MUC6: variants seen among roughly 807,000 people sequenced by gnomAD.
MUC6 encodes the protein mucin-6.
A neutral mutation model predicts 201.5 loss-of-function variants in MUC6; 188 were observed. That is an observed-to-expected ratio of 0.93 (90% confidence interval 0.83 to 1.05). The LOEUF (loss-of-function observed/expected upper bound fraction) is 1.05, where lower values mean the gene tolerates loss of function less well. Ranked by LOEUF, MUC6 falls within the 50% of genes least tolerant of loss-of-function variation. The pLI is 0.00. For synonymous variants in MUC6, 1,228 were observed against 1,389.4 expected (o/e 0.88, Z 2.58); for missense variants, 2,706 against 3,256.9 (o/e 0.83, Z 4.12).
At chr11:1,013,673 C>T in intron 32 of MUC6, 40 bp from the exon 33 acceptor site, 2 of 1,536,518 alleles carry the variant, frequency 1.3e-6, no homozygotes, top group Non-Finnish European at 1.8e-6. Flanking sequence ...ATGACTGCTG[C>T]AGGGGCATAA....
chr11:1,013,965 G>A lies in MUC6; in HGVS notation c.7076C>T (p.Thr2359Met), dbSNP rs369942422. Reference protein sequence around the residue: ...CSVREQQEEITFKGCMANVTV... With the variant: ...CSVREQQEEIMFKGCMANVTV... ...CACGTTCGCCATGCACCCCTTGAAC[G>A]TGATCTCCTCCTGCTGCTCCCGCAC... The change falls in exon 32 of 33, where the codon ACG (threonine) becomes ATG (methionine). Residue 2359 changes from threonine to methionine, a missense_variant. Thr to Met is a moderately conservative substitution (Grantham distance 81). This residue lies in a region of MUC6 where 586 missense variants were observed against 488.0 expected (regional missense o/e 1.20). Transcript: ENST00000421673. 1.2e-6 allele frequency: 2 copies of A among 1,609,156 alleles called. No homozygotes were observed. Among genetic ancestry groups the A allele is most frequent in the South Asian group, 2.2e-5 (2 of 90,232 alleles).
In MUC6 at chr11:1,013,205, G is replaced by T. The variant is rs947759361; in HGVS notation, c.*251C>A. 3 of 545,364 alleles carry T rather than the reference G, an allele frequency of 5.5e-6. No homozygotes were observed. In the East Asian group the frequency reaches 9.6e-5, roughly 17 times the overall value. 33.8% of individuals were successfully genotyped at this position (545,364 alleles called of 1,614,324 possible). A position where few individuals can be genotyped will look rare whatever the true frequency, so the allele number is the denominator to read the frequency against. ...GGTCGGGAGTGCCCTGTGTGCCTGG[G>T]AGGTCCGTGACCACTGTCCGCCTCA... On this transcript the variant is annotated 3_prime_UTR_variant, in exon 33 of 33. Coordinates refer to ENST00000421673, the MANE Select transcript of MUC6 (RefSeq NM_005961.3).
rs772152228 is a variant in MUC6 at position 1,033,130 on chromosome 11, G to A, written c.53-55C>T. 28 of 1,541,726 alleles carry A rather than the reference G, an allele frequency of 1.8e-5. No individual in the cohort carries two copies. Among genetic ancestry groups the A allele is most frequent in the African/African-American group, 1.4e-4 (10 of 73,224 alleles). On this transcript the variant is annotated intron_variant, in intron 1 of 32. Transcript: ENST00000421673. This position sits in a 1 kb window ranked among gnomAD's most constrained non-coding sequence, Gnocchi z 5.6. ...GGGCTACCCCGTCGTCCCTGAGGGC[G>A]CCGCTCACCTCTGCTCAGGGCTGCT...
At position 1,030,643 on chromosome 11, in the gene MUC6, C is replaced by T; in HGVS notation, c.822G>A (p.Leu274=). Residue 274 remains leucine (L), a synonymous_variant, in exon 7 of 33, where the codon CTG becomes CTA. Coordinates refer to ENST00000421673, the MANE Select transcript of MUC6 (RefSeq NM_005961.3). ...TGCTGCACTGGCGGGAGTACTCCGA[C>T]AGGGTGGCACAACTGCTGTTCTGTG... ...PGPQNSSCAT[L]SEYSRQCSMV... is the part of the protein sequence containing the mutation. The T allele has an allele frequency of 6.5e-7, 1 of 1,544,886 alleles. No homozygotes were observed. The highest frequency in any genetic ancestry group is 1.2e-5 in the South Asian group (1 of 83,726).
intron 22 of MUC6, 24 bp from the exon 23 acceptor site, chr11:1,025,391 A>G: frequency 6.3e-7 from 1 of 1,597,476 alleles, no homozygotes; most frequent in Non-Finnish European, 8.5e-7. Context: ...TTGGCATAGG[A>G]CTGCCTGTCT....
At position 1,033,483 on chromosome 11, in the gene MUC6, G is replaced by A. The variant is rs1019123620; in HGVS notation, c.53-408C>T. ...CTGTGCCCGCCTCCCCAGCTTGGCC[G>A]CCTGGTTTCCCTGAGGGGTCTGCGC... On this transcript the variant is annotated intron_variant, in intron 1 of 32. Transcript: ENST00000421673. This position sits in a 1 kb window ranked among gnomAD's most constrained non-coding sequence, Gnocchi z 5.6. 2.7e-4 allele frequency among the ~76,000 whole-genome samples: 41 copies of A among 149,538 alleles called. 1 individual carries two copies. In the South Asian group the frequency reaches 5.2e-3, roughly 19 times the overall value.
intron 1 of MUC6, among the ~76,000 whole-genome samples, chr11:1,035,018 C>T (rs948526383): frequency 1.3e-5 from 2 of 152,244 alleles, no homozygotes; most frequent in Non-Finnish European, 2.9e-5. Context: ...GTTGGTCCGC[C>T]ACCCCCGGCC....
intron 19 of MUC6, 136 bp downstream of exon 19, chr11:1,026,805 C>T (rs1007033255): frequency 1.6e-5 from 16 of 974,174 alleles, no homozygotes; most frequent in East Asian, 5.3e-5. Context: ...GCCACAGGGC[C>T]GCTTCCACCT....
At chr11:1,020,806 G>T in intron 27 of MUC6, 72 bp from the exon 28 acceptor site, 1 of 1,559,768 alleles carries the variant, frequency 6.4e-7, no homozygotes, top group Non-Finnish European at 8.7e-7. Flanking sequence ...TGGGAGCTCC[G>T]AGGGCCTGAG....
intron 16 of MUC6, 61 bp from the exon 17 acceptor site, chr11:1,027,578 T>A: frequency 1.2e-6 from 2 of 1,600,936 alleles, no homozygotes; most frequent in South Asian, 2.2e-5. Flanking sequence ...CAATCTCGGG[T>A]TCCCCTGCCT....
rs376304555 is a variant in MUC6, at chr11:1,013,991, A to T, written c.7050T>A (p.Ser2350Arg). The T allele has an allele frequency of 3.1e-6, 5 of 1,607,556 alleles. No individual in the cohort carries two copies. In the Admixed American group the frequency reaches 8.4e-5, roughly 27 times the overall value. The change falls in exon 32 of 33, where the codon AGT becomes AGA. Residue 2350 changes from serine (S) to arginine (R), a missense_variant. Physicochemically the swap from Ser to Arg is moderately radical, Grantham distance 110. Transcript: ENST00000421673. The stretch of plus-strand genomic sequence containing the variant: ...TGATCTCCTCCTGCTGCTCCCGCAC[A>T]CTGCAGACCCCTGGTAGCCGAGTGG... ...TPTPTSPGVC[S>R]VREQQEEITF...
In MUC6 at chr11:1,028,055, C is replaced by CA; in HGVS notation, c.1757dup (p.Cys587ValfsTer81). On this transcript the variant is annotated frameshift_variant, in exon 15 of 33. Transcript: ENST00000421673. LOFTEE classifies it high-confidence loss of function. ...GCATGGAGCAGTGGGTCTCTGCACA[C>CA]ACCTCTGGGGATGACAGGCCCGGGC... is the stretch of plus-strand genomic sequence containing the variant. The CA allele has an allele frequency of 6.4e-7, 1 of 1,573,080 alleles. No homozygotes were observed. The highest frequency in any genetic ancestry group is 8.6e-7 in the Non-Finnish European group (1 of 1,159,708).
intron 32 of MUC6, 114 bp downstream of exon 32, chr11:1,013,785 G>A (rs1381315233): frequency 7.2e-7 from 1 of 1,389,744 alleles, no homozygotes; most frequent in East Asian, 2.5e-5. Context: ...ATGGAGCGCA[G>A]AGTGGCTCAC....
At chr11:1,034,448 C>T (rs547493071) in intron 1 of MUC6, among the ~76,000 whole-genome samples, 110 of 152,338 alleles carry the variant, frequency 7.2e-4, no homozygotes, top group African/African-American at 1.1e-3. Context: ...CTCAGCCCCC[C>T]GCCATTCCTT....
chr11:1,028,582 C>T (rs1278500550), intron 13 of MUC6, 64 bp downstream of exon 13: 6 of 1,575,384 alleles, frequency 3.8e-6, no homozygotes, highest in African/African-American at 1.3e-5. Context: ...TTTCTCCTCC[C>T]CTGGTCATGG....
chr11:1,014,070 C>G, intron 31 of MUC6, 69 bp from the exon 32 acceptor site: 2 of 1,374,856 alleles, frequency 1.5e-6, no homozygotes, highest in Non-Finnish European at 1.0e-6. Flanking sequence ...GAAACCCTGG[C>G]TAGAGACCGG....
chr11:1,023,085 T>C (rs959177374), intron 26 of MUC6, among the ~76,000 whole-genome samples: 1 of 149,876 alleles, frequency 6.7e-6, no homozygotes, highest in Non-Finnish European at 1.5e-5. Context: ...TGAATGAGTG[T>C]GTGTGGGTGA....
intron 2 of MUC6, 24 bp from the exon 3 acceptor site, chr11:1,032,077 C>T (rs773815289): frequency 1.9e-6 from 3 of 1,610,040 alleles, no homozygotes; most frequent in Admixed American, 1.7e-5. Context: ...AGTGCTCACA[C>T]AGCCCTGTGT....
Position 1,013,321 on chromosome 11 carries a change from C to T in MUC6, c.*135G>A, listed in dbSNP as rs766079447. ...CTCCAACCGGTGCCCCAGGGAGCCA[C>T]GGCCCAGGGCACTTGGGGGCCAGGC... On this transcript the variant is annotated 3_prime_UTR_variant, in exon 33 of 33. Transcript: ENST00000421673. 89 of 947,140 alleles carry T rather than the reference C, an allele frequency of 9.4e-5. No individual in the cohort carries two copies. The highest frequency in any genetic ancestry group is 2.0e-4 in the African/African-American group (12 of 59,774). The allele number at this position is 947,140 out of a possible 1,614,324, so 58.7% of individuals were successfully genotyped here.
Sources: gnomAD v4.1 joint callset for allele counts (sites outside exome capture counted in the v4.1 genomes callset) on GRCh38, gnomAD v4.1.1 for gene constraint, gnomAD v4.1.1 regional missense constraint, Gnocchi (gnomAD v3.1) non-coding constraint, MANE v1.5 for transcripts, NCBI Gene and HGNC (gene_info 2026-07-23, HGNC 2026-07-21) for gene names.